Variants in PARP8 observed in about 807,000 individuals in gnomAD.
PARP8 encodes the protein poly(ADP-ribose) polymerase family member 8.
A neutral mutation model predicts 124.1 loss-of-function variants in PARP8; 51 were observed. The observed-to-expected ratio is 0.41, with a 90% CI of 0.33 to 0.52. PARP8 has a LOEUF of 0.52. Among genes scored for constraint, PARP8 ranks in the 20% least tolerant of loss-of-function variants. PARP8 has a pLI of 0.21. For synonymous variants in PARP8, 391 were observed against 361.5 expected, an observed-to-expected ratio of 1.08 and a Z score of -0.93; for missense variants, 860 against 1,018.9, an observed-to-expected ratio of 0.84 and a Z score of 2.12.
rs1336569444 is a variant in PARP8, at chr5:50,666,723, G to C, written c.-373G>C. 1 of 331,940 alleles carries C rather than the reference G, an allele frequency of 3.0e-6. No homozygotes were observed. The highest frequency in any genetic ancestry group is 6.0e-5 in the Admixed American group (1 of 16,588). 20.6% of individuals were successfully genotyped at this position (331,940 alleles called of 1,614,324 possible). A position where few individuals can be genotyped will look rare whatever the true frequency, so the allele number is the denominator to read the frequency against. ...CCTCGCCGGCGCCCGCCGCCCAGCC[G>C]GTGATTGCTCTCTGGCTGTCCCCGG... On this transcript the variant is annotated 5_prime_UTR_variant, in exon 1 of 26. Transcript: ENST00000281631.
rs190247369 is a variant in PARP8 at position 50,691,931 on chromosome 5, T to G, written c.146+23806T>G. On this transcript the variant is annotated intron_variant, in intron 2 of 25. Transcript: ENST00000281631. The stretch of plus-strand genomic sequence containing the variant: ...TGACCACGTTCTTAATGATTTTAAC[T>G]ATTTGTTATCATATCAGTCAAATGG... Among the ~76,000 whole-genome samples, 27 of 152,308 alleles carry G rather than the reference T, an allele frequency of 1.8e-4. 1 individual carries two copies. The East Asian group carries it at 4.2e-3, about 24-fold the overall frequency.
intron 19 of PARP8, 40 bp from the exon 20 acceptor site, chr5:50,827,902 TAA>T (rs753456727): frequency 1.2e-5 from 16 of 1,385,090 alleles, no homozygotes; most frequent in Admixed American, 3.4e-5. Context: ...GAATATATGT[TAA>T]GTTTTACATG....
chr5:50,713,560 T>C (rs1561279140), intron 2 of PARP8, among the ~76,000 whole-genome samples: 1 of 151,976 alleles, frequency 6.6e-6, no homozygotes, highest in Non-Finnish European at 1.5e-5. Flanking sequence ...ATTTGGATAA[T>C]CTCATTTAAT....
intron 2 of PARP8, among the ~76,000 whole-genome samples, chr5:50,715,557 G>A (rs1212141786): frequency 6.6e-6 from 1 of 151,510 alleles, no homozygotes; most frequent in Non-Finnish European, 1.5e-5. Flanking sequence ...ACCAAAATTG[G>A]TCACTTAATA....
intron 2 of PARP8, among the ~76,000 whole-genome samples, chr5:50,698,101 C>G (rs1753221059): frequency 6.6e-6 from 1 of 152,182 alleles, no homozygotes; most frequent in South Asian, 2.1e-4. Context: ...GAAGATATGA[C>G]CTTCATGAAG....
intron 10 of PARP8, among the ~76,000 whole-genome samples, chr5:50,793,738 C>T (rs1428176055): frequency 6.6e-6 from 1 of 151,884 alleles, no homozygotes; most frequent in Admixed American, 6.6e-5. Context: ...GATATCGAAG[C>T]AAGTCAAGTA....
chr5:50,735,349 A>G (rs1757369971), intron 2 of PARP8, among the ~76,000 whole-genome samples: 1 of 152,180 alleles, frequency 6.6e-6, no homozygotes, highest in Non-Finnish European at 1.5e-5. Context: ...CACATAATGT[A>G]TACATGGACA....
At chr5:50,667,848 A>G (rs1749526007) in intron 1 of PARP8, 2 of 1,327,378 alleles carry the variant, frequency 1.5e-6, no homozygotes, top group Non-Finnish European at 2.1e-6. Context: ...CGCTGTTGCC[A>G]TGGCACCCGG....
intron 2 of PARP8, among the ~76,000 whole-genome samples, chr5:50,737,414 G>GTAC (rs71577083): frequency 0.067 from 10,187 of 152,118 alleles, 369 homozygotes; most frequent in Middle Eastern, 0.11. Context: ...GAGAATAAGG[G>GTAC]TACTCATTAG....
At chr5:50,812,711 GT>G (rs35094029) in intron 14 of PARP8, among the ~76,000 whole-genome samples, 14,874 of 152,074 alleles carry the variant, frequency 0.098, 748 homozygotes, top group South Asian at 0.16. Context: ...TTCTTCTAGG[GT>G]TTTTATGGTT....
intron 2 of PARP8, among the ~76,000 whole-genome samples, chr5:50,705,699 C>T (rs1312965507): frequency 1.3e-5 from 2 of 152,022 alleles, no homozygotes. Flanking sequence ...GCATGAGAGT[C>T]TCTTGAACCA....
intron 2 of PARP8, among the ~76,000 whole-genome samples, chr5:50,735,966 C>A (rs976096302): frequency 6.7e-6 from 1 of 150,116 alleles, no homozygotes; most frequent in African/African-American, 2.5e-5. Flanking sequence ...TCCCCCCCCC[C>A]CTTTTATTAG....
rs1404773997 is a variant in PARP8 at position 50,750,330 on chromosome 5, G to T, written c.184+142G>T. The T allele has an allele frequency of 9.0e-6, 6 of 664,054 alleles. No individual in the cohort carries two copies. The South Asian group carries it at 1.1e-4, about 12-fold the overall frequency. The allele number at this position is 664,054 out of a possible 1,614,324, so 41.1% of individuals were successfully genotyped here. A position where few individuals can be genotyped will look rare whatever the true frequency, so the allele number is the denominator to read the frequency against. On this transcript the variant is annotated intron_variant, in intron 3 of 25. Transcript: ENST00000281631. ...AGCCTTAAAGCTATAGAAGAATTCT[G>T]CTTACTGCCTGCAAAGTACATGTCT...
intron 7 of PARP8, among the ~76,000 whole-genome samples, chr5:50,774,991 C>T (rs1441480424): frequency 2.7e-5 from 4 of 149,804 alleles, no homozygotes; most frequent in Admixed American, 2.7e-4. Context: ...CTTCACATCC[C>T]AGATGATGGG....
chr5:50,778,521 AAAAGATGATTAATTCATC>A (rs752210443), intron 8 of PARP8, 21 bp from the exon 9 acceptor site: 2 of 1,518,176 alleles, frequency 1.3e-6, no homozygotes, highest in South Asian at 2.4e-5. Flanking sequence ...TTTGAACTCT[AAAAGATGATTAATTCATC>A]TTTTAAATAT....
chr5:50,739,912 C>A (rs1188682000), intron 2 of PARP8, among the ~76,000 whole-genome samples: 2 of 151,178 alleles, frequency 1.3e-5, no homozygotes, highest in Non-Finnish European at 3.0e-5. Context: ...CCACGCCTGG[C>A]TAATATTTTG....
At chr5:50,669,810 G>A (rs1286636450) in intron 2 of PARP8, among the ~76,000 whole-genome samples, 10 of 152,172 alleles carry the variant, frequency 6.6e-5, no homozygotes, top group Admixed American at 6.5e-5. Context: ...TTAAAGGATA[G>A]TGTTTTCTTT....
chr5:50,729,838 G>GAAAA (rs961444359), intron 2 of PARP8, among the ~76,000 whole-genome samples: 1 of 152,048 alleles, frequency 6.6e-6, no homozygotes, highest in Non-Finnish European at 1.5e-5. Flanking sequence ...GTTTTAAAAG[G>GAAAA]AAAAAAGTAT....
intron 2 of PARP8, among the ~76,000 whole-genome samples, chr5:50,675,530 C>T (rs1750526117): frequency 6.6e-6 from 1 of 152,198 alleles, no homozygotes; most frequent in African/African-American, 2.4e-5. Flanking sequence ...TGGTCTCGAA[C>T]TCAGGTGACC....
Sources: gnomAD v4.1 joint callset for allele counts (sites outside exome capture counted in the v4.1 genomes callset) on GRCh38, gnomAD v4.1.1 for gene constraint, MANE v1.5 for transcripts, NCBI Gene and HGNC (gene_info 2026-07-23, HGNC 2026-07-21) for gene names.